Variants in RAB37 observed in about 807,000 individuals in gnomAD.
RAB37 encodes the protein RAB37, member RAS oncogene family.
In RAB37, 29 loss-of-function variants were observed where a neutral mutation model predicts 33.1. That is an observed-to-expected ratio of 0.88 (90% CI 0.65 to 1.20). The LOEUF (loss-of-function observed/expected upper bound fraction) is 1.20, where lower values mean the gene tolerates loss of function less well. Ranked by LOEUF, RAB37 falls within the 50% of genes most tolerant of loss-of-function variation. The pLI is 0.00. For missense variants in RAB37, 299 were observed against 301.1 expected, an observed-to-expected ratio of 0.99 and a Z score of 0.05; for synonymous variants, 128 against 119.5, an observed-to-expected ratio of 1.07 and a Z score of -0.47.
chr17:74,699,406 AC>A (rs1486018173), intron 1 of RAB37, among the ~76,000 whole-genome samples: 1 of 151,980 alleles, frequency 6.6e-6, no homozygotes, highest in African/African-American at 2.4e-5. Context: ...CGTGAATGTG[AC>A]CTATTTGTGG....
chr17:74,723,658 A>G lies in RAB37; in HGVS notation c.73-5598A>G, dbSNP rs1299845636. Reference sequence around the variant, plus strand: ...CAGTGGCGTGGTCTCGGCTCACCACAACCTCTGCCTCCTGGATTCAAGTGA... The same window carrying G: ...CAGTGGCGTGGTCTCGGCTCACCACGACCTCTGCCTCCTGGATTCAAGTGA... On this transcript the variant is annotated intron_variant, in intron 1 of 7. Transcript: ENST00000340415. 1.0e-4 allele frequency among the ~76,000 whole-genome samples: 15 copies of G among 148,790 alleles called. No homozygotes were observed. The East Asian group carries it at 3.0e-3, about 29-fold the overall frequency.
intron 1 of RAB37, among the ~76,000 whole-genome samples, chr17:74,687,710 T>A (rs1024460516): frequency 1.3e-5 from 2 of 152,078 alleles, no homozygotes; most frequent in Non-Finnish European, 2.9e-5. Flanking sequence ...TTCATCAGCC[T>A]CCAAACAAAG....
At chr17:74,695,023 G>A (rs951608423) in intron 1 of RAB37, 7 of 1,502,844 alleles carry the variant, frequency 4.7e-6, no homozygotes, top group African/African-American at 2.8e-5. Context: ...GATGAGGGGA[G>A]CAGGGGGCAG....
upstream of RAB37, chr17:74,736,546 C>T (rs114468199): frequency 1.3e-4 from 191 of 1,469,768 alleles, no homozygotes; most frequent in African/African-American, 2.6e-3. Flanking sequence ...AAGGCCGGCC[C>T]CGCCTTCAGG....
At chr17:74,720,017 C>T (rs2034218249) in intron 1 of RAB37, among the ~76,000 whole-genome samples, 1 of 152,186 alleles carries the variant, frequency 6.6e-6, no homozygotes, top group South Asian at 2.1e-4. Flanking sequence ...CTATATACAT[C>T]ACTCTGCCCC....
intron 1 of RAB37, among the ~76,000 whole-genome samples, chr17:74,675,226 G>T (rs1405509624): frequency 6.6e-6 from 1 of 152,050 alleles, no homozygotes; most frequent in South Asian, 2.1e-4. Context: ...CATGAGGTCA[G>T]GAGATCGAGA....
At chr17:74,708,303 C>A (rs1014596528) in intron 1 of RAB37, among the ~76,000 whole-genome samples, 1 of 152,094 alleles carries the variant, frequency 6.6e-6, no homozygotes, top group Non-Finnish European at 1.5e-5. Context: ...GAATAAAACT[C>A]CAGACCCATA....
chr17:74,704,566 G>A (rs369611278), intron 1 of RAB37: 89 of 1,614,052 alleles, frequency 5.5e-5, no homozygotes, highest in Non-Finnish European at 6.7e-5. Context: ...CAGTTTTCAT[G>A]AGATCCTCCA....
Position 74,671,387 on chromosome 17 carries a change from T to C in RAB37, c.-200T>C. On this transcript the variant is annotated 5_prime_UTR_variant, in exon 1 of 8. Coordinates refer to the RAB37 transcript ENST00000340415. This position sits in a 1 kb window ranked among gnomAD's most constrained non-coding sequence, Gnocchi z 5.0. Reference sequence around the variant, plus strand: ...CTGTTCCTGGTGCTGAAACGCTCAGTCCTGGAAGAACGTGGCCGCCTGCCC... The same window carrying C: ...CTGTTCCTGGTGCTGAAACGCTCAGCCCTGGAAGAACGTGGCCGCCTGCCC... 1.7e-6 allele frequency: 1 copy of C among 597,482 alleles called. No homozygotes were observed. The highest frequency in any genetic ancestry group is 3.0e-6 in the Non-Finnish European group (1 of 336,704). The allele number at this position is 597,482 out of a possible 1,614,324, so 37.0% of individuals were successfully genotyped here. A position where few individuals can be genotyped will look rare whatever the true frequency, so the allele number is the denominator to read the frequency against.
chr17:74,688,275 C>T (rs1282043299), intron 1 of RAB37, among the ~76,000 whole-genome samples: 1 of 152,020 alleles, frequency 6.6e-6, no homozygotes, highest in Non-Finnish European at 1.5e-5. Context: ...ATTGGCCGGG[C>T]GTGGTGGCTC....
intron 1 of RAB37, among the ~76,000 whole-genome samples, chr17:74,723,067 T>C (rs186594768): frequency 3.6e-4 from 55 of 152,350 alleles, no homozygotes; most frequent in Non-Finnish European, 7.6e-4. Flanking sequence ...CAAGGGTCGA[T>C]ACAACAGCTT....
At chr17:74,688,856 C>G (rs766634752) in intron 1 of RAB37, among the ~76,000 whole-genome samples, 2 of 152,042 alleles carry the variant, frequency 1.3e-5, no homozygotes, top group Non-Finnish European at 2.9e-5. Flanking sequence ...GAACTGAAAC[C>G]CCAGGATCAT....
intron 1 of RAB37, chr17:74,698,253 TG>T: frequency 1.3e-6 from 1 of 786,284 alleles, no homozygotes; most frequent in Non-Finnish European, 2.1e-6. Context: ...TGAGGGCCTT[TG>T]GGACTGTGCC....
At chr17:74,686,346 G>T (rs896001839) in intron 1 of RAB37, among the ~76,000 whole-genome samples, 1 of 151,888 alleles carries the variant, frequency 6.6e-6, no homozygotes, top group African/African-American at 2.4e-5. Context: ...ACACGCCTCA[G>T]CCTCCAAAAG....
intron 1 of RAB37, among the ~76,000 whole-genome samples, chr17:74,680,387 G>A (rs1463458227): frequency 1.3e-5 from 2 of 152,254 alleles, no homozygotes; most frequent in South Asian, 4.1e-4. Flanking sequence ...CATCTCTCCA[G>A]TCAGGCTGAT....
At chr17:74,717,848 G>T (rs1015129049) in intron 1 of RAB37, among the ~76,000 whole-genome samples, 2 of 150,328 alleles carry the variant, frequency 1.3e-5, no homozygotes, top group South Asian at 2.1e-4. Context: ...AAAGAAAGGT[G>T]CCAGAGAGCT....
chr17:74,722,884 C>G (rs975315772), intron 1 of RAB37, among the ~76,000 whole-genome samples: 9 of 152,174 alleles, frequency 5.9e-5, no homozygotes, highest in African/African-American at 2.2e-4. Flanking sequence ...AAGAAGGTCA[C>G]TCAGAGCCAC....
chr17:74,724,753 G>GA (rs747483055), intron 1 of RAB37, among the ~76,000 whole-genome samples: 14 of 152,190 alleles, frequency 9.2e-5, no homozygotes, highest in Non-Finnish European at 1.8e-4. Flanking sequence ...GGGTAGGGGA[G>GA]ATGACAAAGT....
chr17:74,695,123 C>T (rs370064075), intron 1 of RAB37: 4 of 1,614,028 alleles, frequency 2.5e-6, no homozygotes, highest in Non-Finnish European at 3.4e-6. Context: ...TGCTGTATTC[C>T]GTGGGCTCCT....
Sources: gnomAD v4.1 joint callset for allele counts (sites outside exome capture counted in the v4.1 genomes callset) on GRCh38, gnomAD v4.1.1 for gene constraint, Gnocchi (gnomAD v3.1) non-coding constraint, MANE v1.5 for transcripts, NCBI Gene and HGNC (gene_info 2026-07-23, HGNC 2026-07-21) for gene names.